The following CAMK1D variants were observed in gnomAD, a reference collection of about 807,000 sequenced individuals.
CAMK1D encodes calcium/calmodulin dependent protein kinase ID, also known as calcium/calmodulin-dependent protein kinase type 1D.
Under a neutral mutation model 47.7 loss-of-function variants are expected in CAMK1D, and 9 were observed. That is an observed-to-expected ratio of 0.19 (90% CI 0.11 to 0.33). The LOEUF is 0.33. CAMK1D is among the 10% of genes least tolerant of loss of function. The pLI is 1.00. For synonymous variants in CAMK1D, 184 were observed against 184.9 expected, an observed-to-expected ratio of 0.99 and a Z score of 0.04; for missense variants, 291 against 488.7, an observed-to-expected ratio of 0.60 and a Z score of 3.81.
intron 6 of CAMK1D, among the ~76,000 whole-genome samples, chr10:12,806,129 A>G (rs1838720824): frequency 6.6e-6 from 1 of 152,168 alleles, no homozygotes; most frequent in African/African-American, 2.4e-5. Flanking sequence ...CGGTGTGTAG[A>G]AAGGAATTTT....
chr10:12,605,263 T>C (rs1838418648), intron 2 of CAMK1D, among the ~76,000 whole-genome samples: 2 of 151,868 alleles, frequency 1.3e-5, no homozygotes, highest in Non-Finnish European at 2.9e-5. Context: ...AAGGTCTGGC[T>C]CCTAGGTCAG....
chr10:12,609,684 G>A (rs961851813), intron 2 of CAMK1D, among the ~76,000 whole-genome samples: 3 of 152,136 alleles, frequency 2.0e-5, no homozygotes, highest in Admixed American at 1.3e-4. Context: ...GATGGGGAGC[G>A]GCTATAAATA....
At chr10:12,690,159 C>T (rs1200958352) in intron 3 of CAMK1D, among the ~76,000 whole-genome samples, 1 of 152,222 alleles carries the variant, frequency 6.6e-6, no homozygotes, top group Non-Finnish European at 1.5e-5. Context: ...GCCTGTCTCA[C>T]ATGACTGTAG....
At chr10:12,476,256 C>T (rs370792455) in intron 1 of CAMK1D, among the ~76,000 whole-genome samples, 12 of 151,872 alleles carry the variant, frequency 7.9e-5, no homozygotes, top group African/African-American at 1.9e-4. Flanking sequence ...CACACCACCG[C>T]ACTCTAGCCT....
rs1186963710 is a variant in CAMK1D at position 12,739,442 on chromosome 10, ATTTTTT to A, written c.300-21491_300-21486del. The stretch of plus-strand genomic sequence containing the variant: ...AGGTGCATGCCACCACACCCGGCTA[ATTTTTT>A]TTTTTTTTTTTTTTGTATTTTCAGT... On this transcript the variant is annotated intron_variant, in intron 3 of 10. Transcript: ENST00000619168. 8.5e-3 allele frequency among the ~76,000 whole-genome samples: 1,085 copies of A among 127,726 alleles called. 19 individuals carry two copies. Among genetic ancestry groups the A allele is most frequent in the African/African-American group, 0.03 (1,020 of 33,578 alleles). The allele number at this position is 127,726 out of a possible 152,430, so 83.8% of individuals were successfully genotyped here. A position where few individuals can be genotyped will look rare whatever the true frequency, so the allele number is the denominator to read the frequency against.
chr10:12,578,400 G>A (rs1388921133), intron 2 of CAMK1D, among the ~76,000 whole-genome samples: 1 of 151,790 alleles, frequency 6.6e-6, no homozygotes, highest in Non-Finnish European at 1.5e-5. Context: ...GAGAAACCCC[G>A]TCTCTACTAA....
intron 3 of CAMK1D, among the ~76,000 whole-genome samples, chr10:12,685,115 A>G (rs1239127313): frequency 6.6e-6 from 1 of 152,238 alleles, no homozygotes; most frequent in Admixed American, 6.5e-5. Context: ...AGTATGGCCA[A>G]CATGGTGAAA....
chr10:12,445,711 C>G (rs1490127215), intron 1 of CAMK1D, among the ~76,000 whole-genome samples: 2 of 152,186 alleles, frequency 1.3e-5, no homozygotes, highest in South Asian at 2.1e-4. Context: ...ATGTAAAAGT[C>G]ATAAACCATG....
intron 1 of CAMK1D, among the ~76,000 whole-genome samples, chr10:12,448,399 T>C (rs1832985936): frequency 6.6e-6 from 1 of 152,016 alleles, no homozygotes; most frequent in Non-Finnish European, 1.5e-5. Context: ...TTTCTCTATA[T>C]TGCCCAGGCT....
At chr10:12,732,054 C>T (rs540173560) in intron 3 of CAMK1D, among the ~76,000 whole-genome samples, 1 of 152,190 alleles carries the variant, frequency 6.6e-6, no homozygotes, top group Admixed American at 6.6e-5. Context: ...ACAGCCTGAC[C>T]AGCATGGTGA....
chr10:12,474,365 A>G (rs1833840036), intron 1 of CAMK1D, among the ~76,000 whole-genome samples: 1 of 151,450 alleles, frequency 6.6e-6, no homozygotes, highest in Non-Finnish European at 1.5e-5. Flanking sequence ...CTAATTTTTT[A>G]TGTATTTTTA....
At chr10:12,353,462 A>C (rs561274698) in intron 1 of CAMK1D, among the ~76,000 whole-genome samples, 2 of 152,262 alleles carry the variant, frequency 1.3e-5, no homozygotes, top group East Asian at 3.9e-4. Context: ...CATGGAGCCG[A>C]GCATTTACTG....
intron 5 of CAMK1D, among the ~76,000 whole-genome samples, chr10:12,787,597 G>A (rs1376438905): frequency 1.3e-5 from 2 of 152,242 alleles, no homozygotes; most frequent in Admixed American, 6.5e-5. Context: ...CAGAGGCTGT[G>A]TAAGCAGCTG....
At chr10:12,695,137 A>G (rs1405868754) in intron 3 of CAMK1D, among the ~76,000 whole-genome samples, 1 of 152,146 alleles carries the variant, frequency 6.6e-6, no homozygotes, top group Non-Finnish European at 1.5e-5. Flanking sequence ...TGGAGTCTGG[A>G]GAACCCTAAT....
chr10:12,825,903 G>T, intron 10 of CAMK1D: 2 of 668,626 alleles, frequency 3.0e-6, no homozygotes, highest in Non-Finnish European at 4.9e-6. Flanking sequence ...TTGGGAGGCT[G>T]AGGCAGGAGG....
chr10:12,739,276 G>A (rs770961357), intron 3 of CAMK1D, among the ~76,000 whole-genome samples: 24 of 151,332 alleles, frequency 1.6e-4, no homozygotes, highest in Non-Finnish European at 3.2e-4. Flanking sequence ...AGATAGATAC[G>A]TTCCCCTCTC....
intron 2 of CAMK1D, among the ~76,000 whole-genome samples, chr10:12,631,137 A>G (rs1032355682): frequency 6.6e-6 from 1 of 152,096 alleles, no homozygotes; most frequent in African/African-American, 2.4e-5. Context: ...TGACCATGAA[A>G]CTGGGTAATG....
chr10:12,571,574 C>A (rs1489989465), intron 2 of CAMK1D, among the ~76,000 whole-genome samples: 1 of 152,062 alleles, frequency 6.6e-6, no homozygotes, highest in Non-Finnish European at 1.5e-5. Context: ...TGTATATTTA[C>A]CTGTGAAAGG....
intron 3 of CAMK1D, among the ~76,000 whole-genome samples, chr10:12,727,767 C>CTTT (rs5783286): frequency 4.9e-5 from 7 of 144,218 alleles, no homozygotes; most frequent in South Asian, 2.2e-4. Flanking sequence ...TAATCACAGC[C>CTTT]TTTTTTTTTT....
Sources: allele counts gnomAD v4.1 joint callset (sites outside exome capture counted in the v4.1 genomes callset), GRCh38; gene constraint gnomAD v4.1.1; transcripts MANE v1.5; gene names NCBI Gene and HGNC (gene_info 2026-07-23, HGNC 2026-07-21).